The following PSG8 variants were observed in gnomAD, a reference collection of about 807,000 sequenced individuals.
PSG8 encodes the protein pregnancy-specific beta-1-glycoprotein 8.
Under a neutral mutation model 42.5 loss-of-function variants are expected in PSG8, and 57 were observed. The observed-to-expected ratio is 1.34, with a 90% CI of 1.08 to 1.67. The LOEUF is 1.67. Among genes scored for constraint, PSG8 ranks in the 40% most tolerant of loss-of-function variants. The pLI is 0.00. For missense variants in PSG8, 783 were observed against 518.6 expected (o/e 1.51, Z -4.95); for synonymous variants, 280 against 196.8 (o/e 1.42, Z -3.54).
At chr19:42,756,648 A>G (rs912479624) in intron 3 of PSG8, among the ~76,000 whole-genome samples, 20 of 151,990 alleles carry the variant, frequency 1.3e-4, no homozygotes, top group Admixed American at 9.2e-4. Flanking sequence ...CCACTTTTCT[A>G]GCTTGGTGAT....
intron 2 of PSG8, among the ~76,000 whole-genome samples, chr19:42,762,145 G>A (rs1408273855): frequency 6.6e-6 from 1 of 151,644 alleles, no homozygotes; most frequent in Non-Finnish European, 1.5e-5. Context: ...GGGAGTGTCT[G>A]GGGAAGGCCT....
At chr19:42,762,699 T>C (rs1160504681) in intron 2 of PSG8, among the ~76,000 whole-genome samples, 1 of 151,898 alleles carries the variant, frequency 6.6e-6, no homozygotes, top group East Asian at 1.9e-4. Flanking sequence ...TGATGGGGGC[T>C]AAGATCTGAG....
chr19:42,760,084 G>A (rs1264699587), intron 2 of PSG8, among the ~76,000 whole-genome samples: 3 of 152,140 alleles, frequency 2.0e-5, no homozygotes, highest in Non-Finnish European at 2.9e-5. Flanking sequence ...AAAATGGGGA[G>A]GACCCCAAAA....
chr19:42,757,945 C>A (rs1286373652), intron 3 of PSG8, 57 bp downstream of exon 3: 2 of 1,613,794 alleles, frequency 1.2e-6, no homozygotes, highest in African/African-American at 1.3e-5. Flanking sequence ...GGCCTGGTCT[C>A]TGGCCACGTG....
rs1331975865 is a variant in PSG8 at position 42,765,676 on chromosome 19, T to A, written c.-95A>T. ...TCTCAGCAGTGCTGTCCTGCCTCCT[T>A]CTGCGCTGAGCTTCTTCCCGGGGCA... is the stretch of plus-strand genomic sequence containing the variant. On this transcript the variant is annotated 5_prime_UTR_variant, in exon 1 of 5. Transcript: ENST00000306511. 1.3e-6 allele frequency: 2 copies of A among 1,525,544 alleles called. No individual in the cohort carries two copies. The highest frequency in any genetic ancestry group is 3.7e-5 in the Admixed American group (2 of 53,478). The allele number at this position is 1,525,544 out of a possible 1,614,324, so 94.5% of individuals were successfully genotyped here. A position where few individuals can be genotyped will look rare whatever the true frequency, so the allele number is the denominator to read the frequency against.
At chr19:42,763,502 C>T (rs1377243432) in intron 2 of PSG8, among the ~76,000 whole-genome samples, 1 of 152,156 alleles carries the variant, frequency 6.6e-6, no homozygotes, top group South Asian at 2.1e-4. Flanking sequence ...TTATCTGGAG[C>T]AAGGATTTAG....
At chr19:42,760,144 A>G (rs541416591) in intron 2 of PSG8, among the ~76,000 whole-genome samples, 2 of 152,334 alleles carry the variant, frequency 1.3e-5, no homozygotes, top group East Asian at 3.9e-4. Flanking sequence ...AGGAAACACC[A>G]CTAGAGTTTA....
intron 2 of PSG8, among the ~76,000 whole-genome samples, chr19:42,762,280 C>G (rs553520118): frequency 3.4e-4 from 52 of 152,032 alleles, no homozygotes; most frequent in African/African-American, 1.2e-3. Context: ...GAGGGAGACA[C>G]TGACTTCAAA....
chr19:42,764,655 T>C (rs908864133), intron 1 of PSG8, among the ~76,000 whole-genome samples: 5 of 152,102 alleles, frequency 3.3e-5, no homozygotes, highest in African/African-American at 1.2e-4. Context: ...TCAGATACCC[T>C]GGGTCTTCCC....
Position 42,759,373 on chromosome 19 carries a change from A to G in PSG8, c.431-1093T>C, listed in dbSNP as rs1421269816. 7.2e-5 allele frequency among the ~76,000 whole-genome samples: 11 copies of G among 152,148 alleles called. 1 individual carries two copies. Among genetic ancestry groups the G allele is most frequent in the African/African-American group, 2.7e-4 (11 of 41,432 alleles). ...GGTTGTGCAGTTTCAGTTATGCAGGATGAGGAGGTTCTAGAGATCTCCTGT... is the reference window on the plus strand; with the variant it reads ...GGTTGTGCAGTTTCAGTTATGCAGGGTGAGGAGGTTCTAGAGATCTCCTGT... On this transcript the variant is annotated intron_variant, in intron 2 of 4. Transcript: ENST00000306511.
chr19:42,763,786 T>C, intron 2 of PSG8, 130 bp downstream of exon 2: 1 of 1,537,704 alleles, frequency 6.5e-7, no homozygotes, highest in Middle Eastern at 1.7e-4. Flanking sequence ...CTGCACTAAA[T>C]GCCCAAACCC....
chr19:42,758,344 T>G lies in PSG8; in HGVS notation c.431-64A>C. 1.9e-6 allele frequency: 3 copies of G among 1,570,592 alleles called. No homozygotes were observed. The South Asian group carries it at 3.6e-5, about 19-fold the overall frequency. The stretch of plus-strand genomic sequence containing the variant: ...CCTTTGATTCCTCCAAAGGCATTTT[T>G]CAATCAGAGTTGGCATTTCCCACCT... On this transcript the variant is annotated intron_variant, in intron 2 of 4. Transcript: ENST00000306511.
Position 42,755,271 on chromosome 19 carries a change from G to A in PSG8, c.710-5C>T. 4 of 1,611,188 alleles carry A rather than the reference G, an allele frequency of 2.5e-6. No homozygotes were observed. Among genetic ancestry groups the A allele is most frequent in the Non-Finnish European group, 2.5e-6 (3 of 1,179,210 alleles). On this transcript the variant is annotated splice_region_variant and splice_polypyrimidine_tract_variant and intron_variant, in intron 3 of 4. Transcript: ENST00000306511. ...TGTAGGGCTTGGGCAGCTTCGCTGT[G>A]TGGATAACAGAGAGAAGATTGTCCT...
rs1286604547 is a variant in PSG8 at position 42,755,231 on chromosome 19, A to G, written c.745T>C (p.Leu249=). 6.2e-7 allele frequency: 1 copy of G among 1,611,904 alleles called. No individual in the cohort carries two copies. The highest frequency in any genetic ancestry group is 8.5e-7 in the Non-Finnish European group (1 of 1,179,768). Reference sequence around the variant, plus strand: ...ACATCCTTATTCTCCCTGGGTTTTAAGTTGTTGATGGTGATGTAGGGCTTG... The same window carrying G: ...ACATCCTTATTCTCCCTGGGTTTTAGGTTGTTGATGGTGATGTAGGGCTTG... ...LPKPYITINN[L]KPRENKDVLN... is the part of the protein sequence containing the mutation. Residue 249 remains leucine (L), a synonymous_variant, in exon 4 of 5, where the codon TTA becomes CTA. Transcript: ENST00000306511.
intron 1 of PSG8, among the ~76,000 whole-genome samples, chr19:42,764,566 G>T (rs1229680877): frequency 6.6e-5 from 10 of 151,852 alleles, no homozygotes; most frequent in Admixed American, 5.9e-4. Flanking sequence ...TTCCCCAGGG[G>T]TCCGCATGGC....
At position 42,764,246 on chromosome 19, in the gene PSG8, C is replaced by G; in HGVS notation, c.100G>C (p.Ala34Pro). Residue 34 changes from alanine to proline, a missense_variant, in exon 2 of 5, where the codon GCC becomes CCC. Transcript: ENST00000306511. ...GGCTGGGCTTCAATCGTGACTTGGG[C>G]AGTCGTGGGTGGGTTCCAGAAGTTT... is the stretch of plus-strand genomic sequence containing the variant. ...LLNFWNPPTTAQVTIEAQPTK... is the reference protein window; with the variant it reads ...LLNFWNPPTTPQVTIEAQPTK... 1 of 1,613,684 alleles carries G rather than the reference C, an allele frequency of 6.2e-7. No individual in the cohort carries two copies. Among genetic ancestry groups the G allele is most frequent in the Non-Finnish European group, 8.5e-7 (1 of 1,179,762 alleles).
At position 42,754,591 on chromosome 19, in the gene PSG8, G is replaced by A. The variant is rs1233624899; in HGVS notation, c.989-4C>T. 2.5e-6 allele frequency: 4 copies of A among 1,609,930 alleles called. No individual in the cohort carries two copies. Among genetic ancestry groups the A allele is most frequent in the Non-Finnish European group, 3.4e-6 (4 of 1,177,044 alleles). The stretch of plus-strand genomic sequence containing the variant: ...ATTCTGGGGAGGTCTGGACCATCTG[G>A]AGCAAAGAGAATAAAGCCACAGGTG... On this transcript the variant is annotated splice_region_variant and splice_polypyrimidine_tract_variant and intron_variant, in intron 4 of 4. Transcript: ENST00000306511.
At chr19:42,762,864 G>T (rs1970112640) in intron 2 of PSG8, among the ~76,000 whole-genome samples, 1 of 152,102 alleles carries the variant, frequency 6.6e-6, no homozygotes, top group African/African-American at 2.4e-5. Flanking sequence ...TGACTATGGG[G>T]TGCTTGGAAG....
At position 42,760,272 on chromosome 19, in the gene PSG8, A is replaced by C. The variant is rs190286450; in HGVS notation, c.431-1992T>G. ...CATGAGGAAACAGTTGTATGTGGCA[A>C]AGGCAGTAAAACCATCAGATAGCAC... On this transcript the variant is annotated intron_variant, in intron 2 of 4. Transcript: ENST00000306511. Among the ~76,000 whole-genome samples the C allele has an allele frequency of 3.3e-3, 497 of 152,214 alleles. 2 individuals are homozygous for C. The highest frequency in any genetic ancestry group is 9.8e-3 in the African/African-American group (407 of 41,542).
Sources: allele counts gnomAD v4.1 joint callset (sites outside exome capture counted in the v4.1 genomes callset), GRCh38; gene constraint gnomAD v4.1.1; transcripts MANE v1.5; gene names NCBI Gene and HGNC (gene_info 2026-07-23, HGNC 2026-07-21).